TECTA: variants seen among roughly 807,000 people sequenced by gnomAD.
TECTA encodes the protein alpha-tectorin.
TECTA carries 128 observed loss-of-function variants against 216.8 expected under a neutral mutation model. That is an observed-to-expected ratio of 0.59 (90% CI 0.51 to 0.68). TECTA has a LOEUF of 0.68. Ranked by LOEUF, TECTA falls within the 30% of genes least tolerant of loss-of-function variation. The pLI, the probability that TECTA is intolerant of heterozygous loss-of-function variation, is 0.00. For missense variants in TECTA, 2,551 were observed against 2,786.2 expected (o/e 0.92, Z 1.90); for synonymous variants, 1,089 against 1,117.1 (o/e 0.97, Z 0.50).
intron 17 of TECTA, 109 bp downstream of exon 17, chr11:121,165,492 C>A (rs1947043973): frequency 3.5e-6 from 3 of 853,246 alleles, no homozygotes; most frequent in African/African-American, 1.7e-5. Context: ...AATAGTGAAG[C>A]TTTCAGGAGC....
chr11:121,141,844 G>C (rs1181325380), intron 11 of TECTA, among the ~76,000 whole-genome samples: 7 of 152,216 alleles, frequency 4.6e-5, no homozygotes, highest in African/African-American at 7.2e-5. Flanking sequence ...TGTCCTAAGA[G>C]AGCTTAGAGT....
At chr11:121,120,660 C>A (rs1946548801) in intron 7 of TECTA, among the ~76,000 whole-genome samples, 1 of 152,208 alleles carries the variant, frequency 6.6e-6, no homozygotes. Flanking sequence ...CCCCACTGAA[C>A]TGTTCTCAAA....
At chr11:121,140,350 C>G (rs1248398225) in intron 11 of TECTA, among the ~76,000 whole-genome samples, 1 of 152,154 alleles carries the variant, frequency 6.6e-6, no homozygotes, top group Non-Finnish European at 1.5e-5. Flanking sequence ...TTCCCTTTCC[C>G]TCTACTTTAG....
chr11:121,131,031 G>A (rs1025364336), intron 10 of TECTA, among the ~76,000 whole-genome samples: 1 of 151,216 alleles, frequency 6.6e-6, no homozygotes, highest in Admixed American at 6.6e-5. Context: ...TGGCTAACAT[G>A]GGGAAACCCT....
intron 20 of TECTA, among the ~76,000 whole-genome samples, chr11:121,183,639 A>G (rs948199903): frequency 2.0e-5 from 3 of 152,132 alleles, no homozygotes; most frequent in Non-Finnish European, 2.9e-5. Flanking sequence ...AGGCAGGAGA[A>G]TCACTTGAAC....
intron 3 of TECTA, among the ~76,000 whole-genome samples, chr11:121,108,274 C>A (rs1401955705): frequency 6.6e-6 from 1 of 151,800 alleles, no homozygotes; most frequent in Non-Finnish European, 1.5e-5. Context: ...CGCATGCCAC[C>A]CCCAGTACAC....
At chr11:121,132,017 A>G (rs570516473) in intron 10 of TECTA, among the ~76,000 whole-genome samples, 17 of 152,348 alleles carry the variant, frequency 1.1e-4, no homozygotes, top group African/African-American at 3.8e-4. Flanking sequence ...TATAATTAAT[A>G]CATATTTTTC....
At chr11:121,111,859 G>T (rs1193292260) in intron 4 of TECTA, among the ~76,000 whole-genome samples, 2 of 152,172 alleles carry the variant, frequency 1.3e-5, no homozygotes, top group African/African-American at 4.8e-5. Flanking sequence ...TATCACAAAC[G>T]CCATCAGCCG....
In TECTA at chr11:121,127,928, G is replaced by A. The variant is rs1946629964; in HGVS notation, c.1951G>A (p.Gly651Ser). 8.1e-6 allele frequency: 13 copies of A among 1,614,134 alleles called. No homozygotes were observed. The highest frequency in any genetic ancestry group is 1.1e-5 in the Non-Finnish European group (13 of 1,180,032). ...TSQCVPLHKCGCDFDGHYYTM... is the reference protein window; with the variant it reads ...TSQCVPLHKCSCDFDGHYYTM... Reference sequence around the variant, plus strand: ...CCAGTGCGTCCCTCTGCACAAGTGCGGCTGCGACTTCGACGGCCACTACTA... The same window carrying A: ...CCAGTGCGTCCCTCTGCACAAGTGCAGCTGCGACTTCGACGGCCACTACTA... Residue 651 changes from glycine (G) to serine (S), a missense_variant, in exon 9 of 24, where the codon GGC (glycine) becomes AGC (serine). Transcript: ENST00000392793. The surrounding 1 kb of genome is among the most constrained non-coding windows in gnomAD (Gnocchi z 5.0).
At chr11:121,185,005 A>T (rs779121201) in intron 20 of TECTA, among the ~76,000 whole-genome samples, 3 of 152,210 alleles carry the variant, frequency 2.0e-5, no homozygotes, top group Non-Finnish European at 4.4e-5. Flanking sequence ...AACCCAGATT[A>T]TAGGGCTTAT....
At chr11:121,171,475 A>G (rs1181669488) in intron 20 of TECTA, among the ~76,000 whole-genome samples, 2 of 151,986 alleles carry the variant, frequency 1.3e-5, no homozygotes, top group Admixed American at 1.3e-4. Context: ...TCATTGGTGT[A>G]TTGATAGGGA....
rs749970856 is a variant in TECTA, at chr11:121,129,772, C to T, written c.2502C>T (p.Tyr834=). The T allele has an allele frequency of 1.2e-6, 2 of 1,614,224 alleles. No individual in the cohort carries two copies. The highest frequency in any genetic ancestry group is 4.5e-5 in the East Asian group (2 of 44,894). ...TVQYSDIGLL[Y]IRLSTTYFNC... ...AGTACTCAGACATAGGTCTATTGTA[C>T]ATCCGGCTGTCCACCACATACTTCA... The change falls in exon 10 of 24, where the codon TAC becomes TAT. Residue 834 remains tyrosine (Y), a synonymous_variant. Transcript: ENST00000392793.
intron 6 of TECTA, among the ~76,000 whole-genome samples, chr11:121,114,441 G>A (rs996554144): frequency 6.6e-6 from 1 of 152,116 alleles, no homozygotes; most frequent in African/African-American, 2.4e-5. Flanking sequence ...ATGAATTCCT[G>A]CTTTTTTGTG....
intron 6 of TECTA, among the ~76,000 whole-genome samples, chr11:121,115,261 C>G (rs1946490676): frequency 6.6e-6 from 1 of 152,148 alleles, no homozygotes; most frequent in Non-Finnish European, 1.5e-5. Context: ...ACCCATCCAC[C>G]AACCCATCCA....
intron 22 of TECTA, 109 bp downstream of exon 22, chr11:121,189,276 G>A (rs998503886): frequency 2.8e-6 from 3 of 1,058,176 alleles, no homozygotes; most frequent in African/African-American, 1.6e-5. Flanking sequence ...GGCTGGTGTT[G>A]GGGACACCGG....
chr11:121,122,566 C>T (rs559836144), intron 7 of TECTA, among the ~76,000 whole-genome samples: 12 of 149,956 alleles, frequency 8.0e-5, no homozygotes, highest in East Asian at 6.0e-4. Context: ...CTGGGCACGG[C>T]GTCTCACACC....
rs1191717642 is a variant in TECTA, at chr11:121,137,645, GA to G, written c.3167del (p.Asp1056AlafsTer108). ...CAATGAGACCTTCTGGGTGGACCTG[GA>G]CTGCCAGATCTTCTGCTATTGCAGT... ...ATNETFWVDL[D>X]CQIFCYCSGT... On this transcript the variant is annotated frameshift_variant, in exon 11 of 24. Transcript: ENST00000392793. LOFTEE classifies it high-confidence loss of function. 6.2e-7 allele frequency: 1 copy of G among 1,613,938 alleles called. No individual in the cohort carries two copies. Among genetic ancestry groups the G allele is most frequent in the Non-Finnish European group, 8.5e-7 (1 of 1,180,022 alleles).
chr11:121,128,038 C>T lies in TECTA; in HGVS notation c.2061C>T (p.Asn687=). Residue 687 remains asparagine, a synonymous_variant, in exon 9 of 24, where the codon AAC becomes AAT. Coordinates refer to ENST00000392793, the MANE Select transcript of TECTA (RefSeq NM_005422.4). Reference sequence around the variant, plus strand: ...AGGGCGGGGACGTCTACTGCTTCAACAAGACCTGCGGCAGCGGGGAGGTGT... The same window carrying T: ...AGGGCGGGGACGTCTACTGCTTCAATAAGACCTGCGGCAGCGGGGAGGTGT... ...CEEGGDVYCF[N]KTCGSGEVCA... 3 of 1,613,130 alleles carry T rather than the reference C, an allele frequency of 1.9e-6. No homozygotes were observed. The highest frequency in any genetic ancestry group is 1.7e-6 in the Non-Finnish European group (2 of 1,179,662).
intron 12 of TECTA, among the ~76,000 whole-genome samples, chr11:121,149,034 T>A (rs2135110405): frequency 6.6e-6 from 1 of 152,358 alleles, no homozygotes; most frequent in East Asian, 1.9e-4. Flanking sequence ...TAGCTCTCAC[T>A]ATGTGCCAGG....
Sources: allele counts gnomAD v4.1 joint callset (sites outside exome capture counted in the v4.1 genomes callset), GRCh38; gene constraint gnomAD v4.1.1; non-coding constraint Gnocchi (gnomAD v3.1); transcripts MANE v1.5; gene names NCBI Gene and HGNC (gene_info 2026-07-23, HGNC 2026-07-21).